ERBB4: variants seen among roughly 807,000 people sequenced by gnomAD.
ERBB4 encodes erb-b2 receptor tyrosine kinase 4.
Under a neutral mutation model 158.0 loss-of-function variants are expected in ERBB4, and 42 were observed. The observed-to-expected ratio is 0.27, with a 90% CI of 0.21 to 0.34. ERBB4 has a LOEUF of 0.34. ERBB4 is among the 10% of genes least tolerant of loss of function. The pLI is 1.00. For missense variants in ERBB4, 1,333 were observed against 1,624.1 expected, an observed-to-expected ratio of 0.82 and a Z score of 3.08; for synonymous variants, 583 against 558.7, an observed-to-expected ratio of 1.04 and a Z score of -0.61.
In ERBB4 at chr2:211,639,314, G is replaced by A. The variant is rs371423228; in HGVS notation, c.1947-8720C>T. ...ATGTCCTATTACTTATTCATTATAT[G>A]GACAAGGTAATATGAAGCAATAGAG... is the stretch of plus-strand genomic sequence containing the variant. On this transcript the variant is annotated intron_variant, in intron 16 of 27. Transcript: ENST00000342788. Among the ~76,000 whole-genome samples, 227 of 152,196 alleles carry A rather than the reference G, an allele frequency of 1.5e-3. 1 individual carries two copies. The highest frequency in any genetic ancestry group is 5.2e-3 in the African/African-American group (218 of 41,540).
chr2:212,042,417 C>A (rs898665399), intron 2 of ERBB4, among the ~76,000 whole-genome samples: 20 of 151,980 alleles, frequency 1.3e-4, no homozygotes, highest in Middle Eastern at 3.2e-3. Flanking sequence ...TAGGTTTTCA[C>A]GGAAGCTTTG....
At chr2:211,772,846 T>TACAC (rs1559504301) in intron 4 of ERBB4, among the ~76,000 whole-genome samples, 20 of 60,814 alleles carry the variant, frequency 3.3e-4, no homozygotes, top group Admixed American at 7.4e-4. Flanking sequence ...CACATATATA[T>TACAC]ATATATATAT....
chr2:211,861,221 G>T (rs1224983301), intron 3 of ERBB4, among the ~76,000 whole-genome samples: 8 of 124,392 alleles, frequency 6.4e-5, no homozygotes, highest in Non-Finnish European at 1.3e-4. Flanking sequence ...CTGGAGTGCA[G>T]TGGTGTGATT....
intron 1 of ERBB4, among the ~76,000 whole-genome samples, chr2:212,493,236 C>A (rs1195230575): frequency 6.6e-6 from 1 of 151,342 alleles, no homozygotes; most frequent in African/African-American, 2.4e-5. Context: ...TATGTATACA[C>A]AACACACATA....
At chr2:212,536,701 A>G (rs187716245) in intron 1 of ERBB4, among the ~76,000 whole-genome samples, 62 of 152,318 alleles carry the variant, frequency 4.1e-4, no homozygotes, top group African/African-American at 1.4e-3. Context: ...GCTTTTCGGC[A>G]TAGCTCAACT....
In ERBB4 at chr2:212,348,557, C is replaced by A. The variant is rs74493356; in HGVS notation, c.82+189892G>T. The stretch of plus-strand genomic sequence containing the variant: ...TAACACATCGTCACATTCTGAGAAG[C>A]AAGGAACATCTGTTATAGAATGTGA... On this transcript the variant is annotated intron_variant, in intron 1 of 27. Coordinates refer to ENST00000342788, the MANE Select transcript of ERBB4 (RefSeq NM_005235.3). Among the ~76,000 whole-genome samples, 1,475 of 152,152 alleles carry A rather than the reference C, an allele frequency of 9.7e-3. 28 individuals carry two copies. Among genetic ancestry groups the A allele is most frequent in the African/African-American group, 0.034 (1,391 of 41,514 alleles).
At chr2:212,313,711 A>T (rs985759715) in intron 1 of ERBB4, among the ~76,000 whole-genome samples, 2 of 150,916 alleles carry the variant, frequency 1.3e-5, no homozygotes, top group African/African-American at 4.8e-5. Flanking sequence ...GTCACAATTT[A>T]GTTTTGTTTT....
chr2:212,102,016 G>A (rs2079098022), intron 2 of ERBB4, among the ~76,000 whole-genome samples: 1 of 147,414 alleles, frequency 6.8e-6, no homozygotes, highest in African/African-American at 2.5e-5. Context: ...AATTATGTGG[G>A]TAGAACTCTT....
intron 1 of ERBB4, among the ~76,000 whole-genome samples, chr2:212,439,873 CA>C (rs2092217745): frequency 6.6e-6 from 1 of 152,094 alleles, no homozygotes; most frequent in Non-Finnish European, 1.5e-5. Context: ...GCTTATTTTA[CA>C]TTTGAAGGAC....
At chr2:211,578,583 A>G (rs1212140399) in intron 19 of ERBB4, among the ~76,000 whole-genome samples, 2 of 152,214 alleles carry the variant, frequency 1.3e-5, no homozygotes, top group Non-Finnish European at 2.9e-5. Context: ...CCAAAACAGT[A>G]TAGTACTGTT....
intron 15 of ERBB4, among the ~76,000 whole-genome samples, chr2:211,659,285 TAGAG>T (rs533161063): frequency 9.2e-5 from 14 of 152,022 alleles, no homozygotes; most frequent in Admixed American, 3.3e-4. Context: ...TCTATAGAAA[TAGAG>T]AGAATACACC....
At chr2:211,752,763 G>T (rs954057880) in intron 4 of ERBB4, among the ~76,000 whole-genome samples, 2 of 152,054 alleles carry the variant, frequency 1.3e-5, no homozygotes, top group African/African-American at 2.4e-5. Flanking sequence ...TTCTTGACAA[G>T]GTATCAGGGC....
At chr2:211,421,189 T>C (rs3791706) in intron 24 of ERBB4, among the ~76,000 whole-genome samples, 43,758 of 151,590 alleles carry the variant, frequency 0.29, 6,688 homozygotes, top group South Asian at 0.56. Context: ...ATTTTTCCTA[T>C]ATTTTTAAAG....
At chr2:212,248,990 G>C (rs1281107749) in intron 1 of ERBB4, among the ~76,000 whole-genome samples, 1 of 151,930 alleles carries the variant, frequency 6.6e-6, no homozygotes, top group Non-Finnish European at 1.5e-5. Flanking sequence ...TTTGGGAGTG[G>C]GGTATTCCAT....
chr2:212,063,864 A>G (rs2077857903), intron 2 of ERBB4, among the ~76,000 whole-genome samples: 3 of 152,160 alleles, frequency 2.0e-5, no homozygotes, highest in Admixed American at 6.6e-5. Flanking sequence ...TGATCCCTTG[A>G]ATGGCCCTTG....
At chr2:211,949,607 C>A (rs2139937) in intron 2 of ERBB4, among the ~76,000 whole-genome samples, 28,734 of 151,886 alleles carry the variant, frequency 0.19, 3,049 homozygotes, top group African/African-American at 0.3. Context: ...TATTATAATT[C>A]TGTTGGAACT....
chr2:211,422,973 T>C (rs1268624970), intron 23 of ERBB4, among the ~76,000 whole-genome samples: 1 of 151,786 alleles, frequency 6.6e-6, no homozygotes, highest in African/African-American at 2.4e-5. Flanking sequence ...TTTCCGGGAG[T>C]TCAGTTTTTA....
At chr2:212,115,269 CCAA>C (rs1404388964) in intron 2 of ERBB4, among the ~76,000 whole-genome samples, 2 of 151,544 alleles carry the variant, frequency 1.3e-5, no homozygotes, top group South Asian at 2.1e-4. Flanking sequence ...CTCTATGTGA[CCAA>C]CGAGAGACCT....
chr2:212,238,606 T>C (rs984857400), intron 1 of ERBB4, among the ~76,000 whole-genome samples: 1 of 152,174 alleles, frequency 6.6e-6, no homozygotes, highest in African/African-American at 2.4e-5. Flanking sequence ...GAAAACTATA[T>C]ATTATATTAA....
Sources: allele counts gnomAD v4.1 joint callset (sites outside exome capture counted in the v4.1 genomes callset), GRCh38; gene constraint gnomAD v4.1.1; transcripts MANE v1.5; gene names NCBI Gene and HGNC (gene_info 2026-07-23, HGNC 2026-07-21).